PPL: variants seen among roughly 807,000 people sequenced by gnomAD.
The protein encoded by PPL is periplakin, also known as 190 kDa paraneoplastic pemphigus antigen.
In PPL, 198 loss-of-function variants were observed where a neutral mutation model predicts 194.4. The ratio of observed to expected loss-of-function variants is 1.02; its 90% CI spans 0.91 to 1.15. The LOEUF (loss-of-function observed/expected upper bound fraction) is 1.15, where lower values mean the gene tolerates loss of function less well. Among genes scored for constraint, PPL ranks in the 50% most tolerant of loss-of-function variants. The pLI, the probability that PPL is intolerant of heterozygous loss-of-function variation, is 0.00. For missense variants in PPL, 2,885 were observed against 2,294.8 expected, an observed-to-expected ratio of 1.26 and a Z score of -5.25; for synonymous variants, 1,220 against 972.4, an observed-to-expected ratio of 1.25 and a Z score of -4.74.
At chr16:4,887,327 A>G in intron 20 of PPL, 100 bp from the exon 21 acceptor site, 2 of 890,532 alleles carry the variant, frequency 2.2e-6, no homozygotes, top group Non-Finnish European at 3.7e-6. Context: ...AGAAGTGTGG[A>G]ATTTGGGGGT....
chr16:4,907,005 G>A (rs1052177126), intron 2 of PPL, among the ~76,000 whole-genome samples: 3 of 151,430 alleles, frequency 2.0e-5, no homozygotes, highest in African/African-American at 7.3e-5. Flanking sequence ...AGCACTCTGC[G>A]AGGCCCAGGC....
At position 4,891,862 on chromosome 16, in the gene PPL, GTCA is replaced by G. The variant is rs777114343; in HGVS notation, c.1914_1916del (p.Asp639del). ...GGACACGGCTGCTCTCAGGCACTGT[GTCA>G]TCCTGATTCAGATGGTTCTCGTGTG... is the stretch of plus-strand genomic sequence containing the variant. On this transcript the variant is annotated inframe_deletion, in exon 16 of 22. Transcript: ENST00000345988. The G allele has an allele frequency of 9.3e-6, 15 of 1,613,432 alleles. No homozygotes were observed. The Admixed American group carries it at 1.8e-4, about 20-fold the overall frequency.
In PPL at chr16:4,884,776, C is replaced by T. The variant is rs61744951; in HGVS notation, c.3879G>A (p.Gln1293=). The T allele has an allele frequency of 0.071, 114,990 of 1,614,032 alleles. 4,428 individuals are homozygous for T. The highest frequency in any genetic ancestry group is 0.11 in the African/African-American group (8,539 of 74,970). The change falls in exon 22 of 22, where the codon CAG becomes CAA. Residue 1293 remains glutamine (Q), a synonymous_variant. Coordinates refer to ENST00000345988, the MANE Select transcript of PPL (RefSeq NM_002705.5). This position sits in a 1 kb window ranked among gnomAD's most constrained non-coding sequence, Gnocchi z 5.7. ...GGTCTTCTTGGAATTGGAGGATCTC[C>T]TGGACCACCTCTTTGGTCTGGACCT... The part of the protein sequence containing the change: ...KPQVQTKEVV[Q]EILQFQEDPQ...
At chr16:4,889,196 T>C (rs1354250478) in intron 18 of PPL, 135 bp from the exon 19 acceptor site, 2 of 633,688 alleles carry the variant, frequency 3.2e-6, no homozygotes, top group East Asian at 2.7e-5. Context: ...GGCTCCCTTG[T>C]ATACATTTTT....
intron 1 of PPL, among the ~76,000 whole-genome samples, chr16:4,929,828 G>C (rs11862914): frequency 0.043 from 6,609 of 151,982 alleles, 450 homozygotes; most frequent in African/African-American, 0.14. Flanking sequence ...TAAGACTAGA[G>C]GCATGCACCA....
At chr16:4,904,159 G>T in intron 2 of PPL, 119 bp from the exon 3 acceptor site, 1 of 1,105,738 alleles carries the variant, frequency 9.0e-7, no homozygotes, top group Non-Finnish European at 1.3e-6. Flanking sequence ...TTTGAATAAC[G>T]TCTTCCAGGC....
intron 1 of PPL, among the ~76,000 whole-genome samples, chr16:4,913,461 CAT>C (rs2088859386): frequency 1.3e-5 from 2 of 152,324 alleles, no homozygotes; most frequent in South Asian, 4.1e-4. Flanking sequence ...AAGGACTGTG[CAT>C]AGAGCCGGGC....
intron 17 of PPL, 107 bp downstream of exon 17, chr16:4,890,621 A>G (rs2088300957): frequency 7.3e-7 from 1 of 1,375,172 alleles, no homozygotes; most frequent in Admixed American, 2.8e-5. Flanking sequence ...CGAACTCACC[A>G]AAAAGAAAAA....
Position 4,884,796 on chromosome 16 carries a change from G to C in PPL, c.3859C>G (p.Gln1287Glu). The change falls in exon 22 of 22, where the codon CAG becomes GAG. Residue 1287 changes from glutamine to glutamate, a missense_variant. Transcript: ENST00000345988. The surrounding 1 kb of genome is among the most constrained non-coding windows in gnomAD (Gnocchi z 5.7). ...ATCTCCTGGACCACCTCTTTGGTCT[G>C]GACCTGGGGTTTGGTGTCTTTCAGG... Reference protein sequence around the residue: ...QALKDTKPQVQTKEVVQEILQ... With the variant: ...QALKDTKPQVETKEVVQEILQ... The C allele has an allele frequency of 6.2e-7, 1 of 1,614,132 alleles. No individual in the cohort carries two copies. The highest frequency in any genetic ancestry group is 8.5e-7 in the Non-Finnish European group (1 of 1,180,040).
rs1379369094 is a variant in PPL at position 4,884,703 on chromosome 16, C to G, written c.3952G>C (p.Glu1318Gln). 2 of 1,614,156 alleles carry G rather than the reference C, an allele frequency of 1.2e-6. No homozygotes were observed. Among genetic ancestry groups the G allele is most frequent in the South Asian group, 2.2e-5 (2 of 91,080 alleles). The part of the protein sequence containing the change: ...VASLRAKLSE[E>Q]QKKQVDLERE... The stretch of plus-strand genomic sequence containing the variant: ...TCCAGATCCACTTGTTTCTTCTGCT[C>G]CTCTGAGAGCTTTGCCCTCAGAGAC... The change falls in exon 22 of 22, where the codon GAG becomes CAG. Residue 1318 changes from glutamate to glutamine, a missense_variant. By Grantham distance (29) the Glu-to-Gln change is conservative. Transcript: ENST00000345988. This position sits in a 1 kb window ranked among gnomAD's most constrained non-coding sequence, Gnocchi z 5.7.
chr16:4,908,981 C>G (rs1387344125), intron 2 of PPL, among the ~76,000 whole-genome samples: 1 of 152,218 alleles, frequency 6.6e-6, no homozygotes, highest in African/African-American at 2.4e-5. Context: ...AATCCACCAC[C>G]ACAGGGGGCC....
rs1384206823 is a variant in PPL, at chr16:4,892,091, C to G, written c.1773G>C (p.Glu591Asp). The G allele has an allele frequency of 1.2e-6, 2 of 1,613,822 alleles. No individual in the cohort carries two copies. Among genetic ancestry groups the G allele is most frequent in the South Asian group, 1.1e-5 (1 of 91,088 alleles). ...GGTGCTCGTATTTCCGGTTGGTGTC[C>G]TCCACCCGGGTCCTCAGCAGGGGTG... is the stretch of plus-strand genomic sequence containing the variant. ...GTTPLLRTRV[E>D]DTNRKYEHLL... The change falls in exon 15 of 22, where the codon GAG (glutamate) becomes GAC (aspartate). Residue 591 changes from glutamate to aspartate, a missense_variant. Coordinates refer to ENST00000345988, the MANE Select transcript of PPL (RefSeq NM_002705.5).
Position 4,903,938 on chromosome 16 carries a change from C to T in PPL, c.265G>A (p.Ala89Thr). 9 of 1,614,110 alleles carry T rather than the reference C, an allele frequency of 5.6e-6. No individual in the cohort carries two copies. Among genetic ancestry groups the T allele is most frequent in the Non-Finnish European group, 7.6e-6 (9 of 1,180,038 alleles). ...TGCTTCATGTGCTTGGCAATGGCCG[C>T]ATCCGCCTCTAGCACATAGAGCAGC... ...EKLLYVLEADAAIAKHMKHPQ... is the reference protein window; with the variant it reads ...EKLLYVLEADTAIAKHMKHPQ... The change falls in exon 3 of 22, where the codon GCG (alanine) becomes ACG (threonine). Residue 89 changes from alanine to threonine, a missense_variant. Coordinates refer to ENST00000345988, the MANE Select transcript of PPL (RefSeq NM_002705.5).
chr16:4,891,867 C>T lies in PPL; in HGVS notation c.1912G>A (p.Asp638Asn), dbSNP rs778470947. 6.2e-7 allele frequency: 1 copy of T among 1,613,590 alleles called. No individual in the cohort carries two copies. Among genetic ancestry groups the T allele is most frequent in the South Asian group, 1.1e-5 (1 of 91,080 alleles). Residue 638 changes from aspartate to asparagine, a missense_variant, in exon 16 of 22, where the codon GAT becomes AAT. Transcript: ENST00000345988. ...LATHENHLNQ[D>N]DTVPESSRVL... ...CGGCTGCTCTCAGGCACTGTGTCAT[C>T]CTGATTCAGATGGTTCTCGTGTGTG... is the stretch of plus-strand genomic sequence containing the variant.
intron 1 of PPL, among the ~76,000 whole-genome samples, chr16:4,924,109 G>A (rs1401448379): frequency 6.6e-6 from 1 of 152,168 alleles, no homozygotes; most frequent in Non-Finnish European, 1.5e-5. Context: ...TGCTTTGTAT[G>A]CAAGGCCAGC....
chr16:4,927,498 C>T (rs932001232), intron 1 of PPL, among the ~76,000 whole-genome samples: 21 of 152,166 alleles, frequency 1.4e-4, no homozygotes, highest in Non-Finnish European at 2.6e-4. Flanking sequence ...AGGAACTGAA[C>T]CACAGCAAGG....
At position 4,888,228 on chromosome 16, in the gene PPL, G is replaced by A. The variant is rs201572039; in HGVS notation, c.2398-10C>T. On this transcript the variant is annotated splice_polypyrimidine_tract_variant and intron_variant, in intron 19 of 21. Transcript: ENST00000345988. ...CTTCTAACTCATAGTCCTGCATGAG[G>A]GAGAGACATGGCAGAGGGGAGATTA... is the stretch of plus-strand genomic sequence containing the variant. The A allele has an allele frequency of 4.6e-5, 72 of 1,552,170 alleles. No homozygotes were observed. The highest frequency in any genetic ancestry group is 6.0e-5 in the Non-Finnish European group (67 of 1,123,680).
chr16:4,890,136 C>T (rs368190986), intron 18 of PPL, 48 bp downstream of exon 18: 221 of 1,612,986 alleles, frequency 1.4e-4, no homozygotes, highest in Non-Finnish European at 1.7e-4. Flanking sequence ...TGACCTCTGA[C>T]CCTCCCTTGC....
intron 4 of PPL, 76 bp from the exon 5 acceptor site, chr16:4,901,165 C>CG: frequency 6.6e-7 from 1 of 1,521,242 alleles, no homozygotes; most frequent in Non-Finnish European, 8.9e-7. Flanking sequence ...CCAGGAGCCT[C>CG]GGGGGTGGGC....
Sources: gnomAD v4.1 joint callset for allele counts (sites outside exome capture counted in the v4.1 genomes callset) on GRCh38, gnomAD v4.1.1 for gene constraint, Gnocchi (gnomAD v3.1) non-coding constraint, MANE v1.5 for transcripts, NCBI Gene and HGNC (gene_info 2026-07-23, HGNC 2026-07-21) for gene names.